WDPCP: variants seen among roughly 807,000 people sequenced by gnomAD.
WDPCP encodes the protein WD repeat-containing and planar cell polarity effector protein fritz homolog.
Under a neutral mutation model 93.1 loss-of-function variants are expected in WDPCP, and 71 were observed. That is an observed-to-expected ratio of 0.76 (90% CI 0.63 to 0.93). The LOEUF is 0.93. Among genes scored for constraint, WDPCP ranks in the 40% least tolerant of loss-of-function variants. The pLI, the probability that WDPCP is intolerant of heterozygous loss-of-function variation, is 0.00. For missense variants in WDPCP, 844 were observed against 887.4 expected, an observed-to-expected ratio of 0.95 and a Z score of 0.62; for synonymous variants, 315 against 315.0, an observed-to-expected ratio of 1.00 and a Z score of 0.00.
At chr2:63,579,233 T>C (rs1708325396) in intron 1 of WDPCP, among the ~76,000 whole-genome samples, 1 of 152,188 alleles carries the variant, frequency 6.6e-6, no homozygotes, top group South Asian at 2.1e-4. Flanking sequence ...TAAATAAGTG[T>C]TAAATAAAAG....
At chr2:63,399,561 AG>A (rs1693986272) in intron 10 of WDPCP, among the ~76,000 whole-genome samples, 1 of 118,304 alleles carries the variant, frequency 8.5e-6, no homozygotes, top group Non-Finnish European at 1.7e-5. Flanking sequence ...GGTAATTTAG[AG>A]GGTGAAAGGA....
intron 14 of WDPCP, among the ~76,000 whole-genome samples, chr2:63,211,287 A>T (rs984162278): frequency 6.6e-6 from 1 of 152,228 alleles, no homozygotes; most frequent in Non-Finnish European, 1.5e-5. Flanking sequence ...TCAGGCAGCA[A>T]CATTTGCCAT....
intron 1 of WDPCP, among the ~76,000 whole-genome samples, chr2:63,566,581 C>G (rs963924276): frequency 7.2e-5 from 11 of 152,200 alleles, no homozygotes; most frequent in African/African-American, 2.7e-4. Flanking sequence ...CCTAAATTAA[C>G]TGAGACCTGT....
intron 2 of WDPCP, among the ~76,000 whole-genome samples, chr2:63,662,408 T>C (rs1237663370): frequency 6.6e-6 from 1 of 152,182 alleles, no homozygotes; most frequent in South Asian, 2.1e-4. Flanking sequence ...TACACACACA[T>C]AAATTCATAT....
chr2:63,372,389 G>A (rs1388359365), intron 12 of WDPCP, among the ~76,000 whole-genome samples: 1 of 152,080 alleles, frequency 6.6e-6, no homozygotes, highest in Non-Finnish European at 1.5e-5. Flanking sequence ...TTTTTGGTCT[G>A]TTTTGCCCTT....
Position 63,190,092 on chromosome 2 carries a change from G to A in WDPCP, c.1916-15260C>T, listed in dbSNP as rs539893178. Among the ~76,000 whole-genome samples the A allele has an allele frequency of 2.3e-4, 35 of 152,102 alleles. No individual in the cohort carries two copies. In the South Asian group the frequency reaches 6.9e-3, roughly 30 times the overall value. On this transcript the variant is annotated intron_variant, in intron 14 of 17. Coordinates refer to ENST00000272321, the MANE Select transcript of WDPCP (RefSeq NM_015910.7). ...AGCTTACAGTGTGATAACAGGGTGG[G>A]GAGAGGGGGCAGAAAAAAATAAACA...
rs1175830098 is a variant in WDPCP, at chr2:63,404,659, T to G, written c.826-2A>C. ...TTCTGTGCGGACAGAACTCAGAACC[T>G]GTTAAGAAATATATCAAGTACATTC... is the stretch of plus-strand genomic sequence containing the variant. On this transcript the variant is annotated splice_acceptor_variant, in intron 9 of 17. Coordinates refer to ENST00000272321, the MANE Select transcript of WDPCP (RefSeq NM_015910.7). LOFTEE classifies it high-confidence loss of function. The G allele has an allele frequency of 1.9e-6, 3 of 1,613,870 alleles. No individual in the cohort carries two copies. Among genetic ancestry groups the G allele is most frequent in the Admixed American group, 3.3e-5 (2 of 59,980 alleles).
chr2:63,377,521 T>A (rs970100001), intron 12 of WDPCP, among the ~76,000 whole-genome samples: 24 of 151,110 alleles, frequency 1.6e-4, no homozygotes, highest in African/African-American at 5.5e-4. Context: ...TAATTTTTTA[T>A]TTTTAATAAT....
At chr2:63,238,706 A>G (rs1456072457) in intron 14 of WDPCP, among the ~76,000 whole-genome samples, 1 of 152,300 alleles carries the variant, frequency 6.6e-6, no homozygotes, top group East Asian at 1.9e-4. Flanking sequence ...TTCTAGTCCA[A>G]ACCTAGGAAG....
At chr2:63,232,698 T>G (rs970679685) in intron 14 of WDPCP, 2 of 153,116 alleles carry the variant, frequency 1.3e-5, no homozygotes, top group African/African-American at 4.8e-5. Flanking sequence ...GGTTTGCTGC[T>G]AGGTGACCAT....
At chr2:63,158,556 C>A (rs1672421890) in intron 15 of WDPCP, among the ~76,000 whole-genome samples, 1 of 152,066 alleles carries the variant, frequency 6.6e-6, no homozygotes, top group Non-Finnish European at 1.5e-5. Flanking sequence ...AACAAATCTA[C>A]TGGAAACATA....
At chr2:63,520,511 G>T (rs1702848034) in intron 1 of WDPCP, among the ~76,000 whole-genome samples, 1 of 152,138 alleles carries the variant, frequency 6.6e-6, no homozygotes, top group African/African-American at 2.4e-5. Context: ...ACCTAGAAAG[G>T]GATCCCATTC....
intron 6 of WDPCP, among the ~76,000 whole-genome samples, chr2:63,444,125 CAGAA>C (rs929824615): frequency 6.6e-6 from 1 of 151,968 alleles, no homozygotes; most frequent in African/African-American, 2.4e-5. Flanking sequence ...AGTGGAAAGA[CAGAA>C]AGAGATCTAA....
intron 12 of WDPCP, among the ~76,000 whole-genome samples, chr2:63,377,547 A>G (rs1691951007): frequency 6.6e-6 from 1 of 151,082 alleles, no homozygotes; most frequent in Non-Finnish European, 1.5e-5. Flanking sequence ...AATTTATTTA[A>G]TAATTTACTA....
At chr2:63,629,633 C>T (rs1709844255) in intron 3 of WDPCP, among the ~76,000 whole-genome samples, 1 of 152,212 alleles carries the variant, frequency 6.6e-6, no homozygotes, top group Non-Finnish European at 1.5e-5. Context: ...CTACCCCTTT[C>T]AGTCAGGAAG....
intron 15 of WDPCP, among the ~76,000 whole-genome samples, chr2:63,166,685 G>A (rs1673016703): frequency 6.6e-6 from 1 of 152,186 alleles, no homozygotes; most frequent in Admixed American, 6.5e-5. Flanking sequence ...TAGCCACCGT[G>A]CCTGGCTGTA....
intron 1 of WDPCP, among the ~76,000 whole-genome samples, chr2:63,541,518 A>G (rs1704725439): frequency 6.6e-6 from 1 of 152,156 alleles, no homozygotes; most frequent in Non-Finnish European, 1.5e-5. Context: ...TTGTTTTTTC[A>G]AAACCATTTA....
At chr2:63,795,735 C>G (rs1039085368) in intron 2 of WDPCP, among the ~76,000 whole-genome samples, 1 of 152,166 alleles carries the variant, frequency 6.6e-6, no homozygotes, top group African/African-American at 2.4e-5. Flanking sequence ...GCTGGAATTA[C>G]AGGCATGAGC....
the WDPCP span, among the ~76,000 whole-genome samples, chr2:63,838,109 A>AG: frequency 1.3e-5 from 2 of 152,106 alleles, no homozygotes; most frequent in African/African-American, 4.8e-5. Context: ...AAAAAAAAAA[A>AG]GAGTGGAGAG....
Sources: allele counts gnomAD v4.1 joint callset (sites outside exome capture counted in the v4.1 genomes callset), GRCh38; gene constraint gnomAD v4.1.1; transcripts MANE v1.5; gene names NCBI Gene and HGNC (gene_info 2026-07-23, HGNC 2026-07-21).